The following NDST3 variants were observed in gnomAD, a reference collection of about 807,000 sequenced individuals.
NDST3 encodes bifunctional heparan sulfate N-deacetylase/N-sulfotransferase 3.
NDST3 carries 58 observed loss-of-function variants against 96.1 expected under a neutral mutation model. That is an observed-to-expected ratio of 0.60 (90% CI 0.49 to 0.75). The LOEUF (loss-of-function observed/expected upper bound fraction) is 0.75. NDST3 is among the 30% of genes least tolerant of loss of function. The pLI is 0.00. For synonymous variants in NDST3, 333 were observed against 359.7 expected (o/e 0.93, Z 0.84); for missense variants, 788 against 1,034.2 (o/e 0.76, Z 3.27).
chr4:118,239,344 G>A (rs1262600690), intron 10 of NDST3, among the ~76,000 whole-genome samples: 1 of 152,146 alleles, frequency 6.6e-6, no homozygotes, highest in Non-Finnish European at 1.5e-5. Flanking sequence ...CATAAAAGCA[G>A]ATGAAATCTT....
At chr4:118,119,858 A>C (rs1185808730) in intron 4 of NDST3, among the ~76,000 whole-genome samples, 1 of 152,192 alleles carries the variant, frequency 6.6e-6, no homozygotes, top group East Asian at 1.9e-4. Flanking sequence ...AAGAGTCTCC[A>C]GCACCGATCT....
intron 2 of NDST3, among the ~76,000 whole-genome samples, chr4:118,095,241 C>T (rs574413072): frequency 7.2e-5 from 11 of 151,860 alleles, no homozygotes; most frequent in African/African-American, 2.7e-4. Context: ...TGTGAACAAA[C>T]TTGATATGTT....
chr4:118,102,566 G>C (rs780365917), intron 2 of NDST3, among the ~76,000 whole-genome samples: 2 of 152,028 alleles, frequency 1.3e-5, no homozygotes, highest in Non-Finnish European at 2.9e-5. Flanking sequence ...GTAATGAGTA[G>C]ACTACTTCAG....
In NDST3 at chr4:118,211,877, C is replaced by A. The variant is rs74937250; in HGVS notation, c.1540-12614C>A. ...GAACGATGTGCCTGTGTCAAGGAGTCCCCTTGAGGAACTCCTTCTCTTCCC... is the reference window on the plus strand; with the variant it reads ...GAACGATGTGCCTGTGTCAAGGAGTACCCTTGAGGAACTCCTTCTCTTCCC... On this transcript the variant is annotated intron_variant, in intron 6 of 13. Coordinates refer to ENST00000296499, the MANE Select transcript of NDST3 (RefSeq NM_004784.3). 1.4e-3 allele frequency among the ~76,000 whole-genome samples: 207 copies of A among 152,254 alleles called. 4 individuals carry two copies. The East Asian group carries it at 0.027, about 20-fold the overall frequency.
Position 118,172,768 on chromosome 4 carries a change from G to A in NDST3, c.1539+29084G>A, listed in dbSNP as rs189064089. On this transcript the variant is annotated intron_variant, in intron 6 of 13. Coordinates refer to ENST00000296499, the MANE Select transcript of NDST3 (RefSeq NM_004784.3). Reference sequence around the variant, plus strand: ...AGAATGATTATTCCTATCTAATTATGTATTAACATTTATATGAATCATACT... The same window carrying A: ...AGAATGATTATTCCTATCTAATTATATATTAACATTTATATGAATCATACT... 6.2e-3 allele frequency among the ~76,000 whole-genome samples: 950 copies of A among 152,028 alleles called. 11 individuals carry two copies. Among genetic ancestry groups the A allele is most frequent in the African/African-American group, 0.021 (888 of 41,460 alleles).
At chr4:118,248,370 G>C (rs2126011352) in intron 12 of NDST3, among the ~76,000 whole-genome samples, 1 of 150,456 alleles carries the variant, frequency 6.6e-6, no homozygotes, top group African/African-American at 2.5e-5. Flanking sequence ...AAAAAAAAAA[G>C]TCACTGTTTA....
chr4:118,058,157 A>G (rs1215429329), intron 2 of NDST3, among the ~76,000 whole-genome samples: 8 of 152,034 alleles, frequency 5.3e-5, no homozygotes. Context: ...TGAGAAAATC[A>G]AAAGTTACAT....
At chr4:118,152,139 A>T (rs996123671) in intron 6 of NDST3, among the ~76,000 whole-genome samples, 3 of 152,220 alleles carry the variant, frequency 2.0e-5, no homozygotes, top group Non-Finnish European at 4.4e-5. Context: ...AGGAAATCCG[A>T]GTCCTCGTAA....
chr4:118,171,314 A>C (rs2125937556), intron 6 of NDST3, among the ~76,000 whole-genome samples: 1 of 152,292 alleles, frequency 6.6e-6, no homozygotes, highest in South Asian at 2.1e-4. Context: ...TTTTTTAAAA[A>C]GGTCCCAGTT....
chr4:118,065,696 A>T (rs914880998), intron 2 of NDST3, among the ~76,000 whole-genome samples: 3 of 151,572 alleles, frequency 2.0e-5, no homozygotes, highest in African/African-American at 7.3e-5. Flanking sequence ...TTCTGCATCC[A>T]CCTCAGTTTC....
At chr4:118,072,844 G>C (rs1727197652) in intron 2 of NDST3, among the ~76,000 whole-genome samples, 1 of 152,064 alleles carries the variant, frequency 6.6e-6, no homozygotes, top group African/African-American at 2.4e-5. Context: ...TGCCTGTTCA[G>C]TATGATATTG....
At chr4:118,121,547 T>C (rs893339238) in intron 4 of NDST3, among the ~76,000 whole-genome samples, 15 of 152,296 alleles carry the variant, frequency 9.8e-5, no homozygotes, top group African/African-American at 3.4e-4. Context: ...ACTGGATTAC[T>C]AATAAATTAA....
upstream of NDST3, chr4:118,033,678 TC>T (rs1287365597): frequency 1.3e-5 from 2 of 150,686 alleles, no homozygotes; most frequent in African/African-American, 4.9e-5. Context: ...AGCGCAGGAG[TC>T]CCCGGCGCAC....
chr4:118,157,586 C>T (rs1438618013), intron 6 of NDST3, among the ~76,000 whole-genome samples: 1 of 151,956 alleles, frequency 6.6e-6, no homozygotes. Context: ...CCATGCCCGG[C>T]TAATTTTTTG....
intron 2 of NDST3, among the ~76,000 whole-genome samples, chr4:118,090,232 C>T (rs1332689062): frequency 6.6e-6 from 1 of 151,970 alleles, no homozygotes; most frequent in Non-Finnish European, 1.5e-5. Context: ...AGCAGTTCTG[C>T]ATTTGATCCT....
At chr4:118,198,923 C>T (rs1737881267) in intron 6 of NDST3, among the ~76,000 whole-genome samples, 1 of 152,136 alleles carries the variant, frequency 6.6e-6, no homozygotes, top group African/African-American at 2.4e-5. Flanking sequence ...AAGGCTGCCA[C>T]TAGATGTGTT....
intron 6 of NDST3, among the ~76,000 whole-genome samples, chr4:118,197,935 G>C (rs564609449): frequency 6.6e-6 from 1 of 151,808 alleles, no homozygotes; most frequent in Non-Finnish European, 1.5e-5. Flanking sequence ...GAGTAGCTGA[G>C]ACTACAGACA....
intron 6 of NDST3, among the ~76,000 whole-genome samples, chr4:118,199,270 A>C (rs1363102856): frequency 2.6e-5 from 4 of 152,012 alleles, no homozygotes; most frequent in Non-Finnish European, 5.9e-5. Context: ...GTCTCCTCTG[A>C]CTGTATTTTC....
intron 2 of NDST3, among the ~76,000 whole-genome samples, chr4:118,085,347 A>T (rs899016084): frequency 5.3e-5 from 8 of 152,214 alleles, no homozygotes; most frequent in African/African-American, 1.9e-4. Context: ...GAGTTCAGAC[A>T]ACAGTCCCAA....
Sources: gnomAD v4.1 joint callset for allele counts (sites outside exome capture counted in the v4.1 genomes callset) on GRCh38, gnomAD v4.1.1 for gene constraint, MANE v1.5 for transcripts, NCBI Gene and HGNC (gene_info 2026-07-23, HGNC 2026-07-21) for gene names.